MAP4K5: variants seen among roughly 807,000 people sequenced by gnomAD.
MAP4K5 encodes the protein MAPK/ERK kinase kinase kinase 5.
In MAP4K5, 82 loss-of-function variants were observed where a neutral mutation model predicts 135.6. That is an observed-to-expected ratio of 0.60 (90% CI 0.51 to 0.73). MAP4K5 has a LOEUF of 0.73. MAP4K5 is among the 30% of genes least tolerant of loss of function. MAP4K5 has a pLI of 0.00. For missense variants in MAP4K5, 907 were observed against 1,010.9 expected (o/e 0.90, Z 1.39); for synonymous variants, 347 against 335.0 (o/e 1.04, Z -0.39).
At chr14:50,528,830 C>A (rs188879326) in intron 2 of MAP4K5, among the ~76,000 whole-genome samples, 1 of 152,138 alleles carries the variant, frequency 6.6e-6, no homozygotes, top group Non-Finnish European at 1.5e-5. Flanking sequence ...CTAAAACGTC[C>A]TAGGATGTTC....
chr14:50,430,487 G>T (rs2035945438), intron 28 of MAP4K5, among the ~76,000 whole-genome samples: 3 of 152,176 alleles, frequency 2.0e-5, no homozygotes, highest in Admixed American at 2.0e-4. Context: ...TCCTTCAAAT[G>T]GCGGATTGGG....
intron 2 of MAP4K5, among the ~76,000 whole-genome samples, chr14:50,511,690 G>A (rs1368780219): frequency 6.6e-6 from 1 of 152,014 alleles, no homozygotes; most frequent in Middle Eastern, 3.2e-3. Flanking sequence ...ATGTACAACT[G>A]TCAATTTTTT....
At chr14:50,524,429 T>TATAC (rs1185774712) in intron 2 of MAP4K5, among the ~76,000 whole-genome samples, 1 of 152,194 alleles carries the variant, frequency 6.6e-6, no homozygotes, top group African/African-American at 2.4e-5. Context: ...TACTAGGCAA[T>TATAC]ATACTAGTAC....
At chr14:50,523,665 C>T (rs2038198414) in intron 2 of MAP4K5, among the ~76,000 whole-genome samples, 1 of 152,122 alleles carries the variant, frequency 6.6e-6, no homozygotes, top group Non-Finnish European at 1.5e-5. Flanking sequence ...CTTTCTATAC[C>T]TTTAATCTCC....
chr14:50,434,088 A>G (rs967266883), intron 28 of MAP4K5, among the ~76,000 whole-genome samples: 4 of 152,202 alleles, frequency 2.6e-5, no homozygotes, highest in African/African-American at 9.6e-5. Context: ...AGAAGTTGAT[A>G]AAATTTTAAG....
upstream of MAP4K5, among the ~76,000 whole-genome samples, chr14:50,534,452 A>G (rs1195093762): frequency 2.0e-5 from 3 of 152,276 alleles, no homozygotes; most frequent in Non-Finnish European, 4.4e-5. Context: ...TTCATAAAGT[A>G]GAAACTGAAT....
chr14:50,484,137 ATTC>A (rs201523116), intron 5 of MAP4K5, among the ~76,000 whole-genome samples: 2,162 of 152,232 alleles, frequency 0.014, 42 homozygotes, highest in African/African-American at 0.049. Flanking sequence ...GAAGATAGCA[ATTC>A]TTTATAAAAT....
upstream of MAP4K5, among the ~76,000 whole-genome samples, chr14:50,535,434 C>T (rs2038479368): frequency 1.3e-5 from 2 of 151,756 alleles, no homozygotes; most frequent in Admixed American, 1.3e-4. Context: ...TGGTAATCTC[C>T]TGATTAATCT....
At chr14:50,425,356 T>C (rs1430952706) in intron 31 of MAP4K5, among the ~76,000 whole-genome samples, 1 of 152,156 alleles carries the variant, frequency 6.6e-6, no homozygotes, top group Non-Finnish European at 1.5e-5. Context: ...GCAATATGAA[T>C]AGTATCTACT....
rs767137951 is a variant in MAP4K5 at position 50,435,048 on chromosome 14, C to T, written c.1900G>A (p.Gly634Arg). The change falls in exon 27 of 33, where the codon GGA becomes AGA. Residue 634 changes from glycine to arginine, a missense_variant. This residue lies in a region of MAP4K5 where 690 missense variants were observed against 777.4 expected (regional missense o/e 0.89). Transcript: ENST00000682126. ...KCCIVRNPYTGHKYLCGALQS... is the reference protein window; with the variant it reads ...KCCIVRNPYTRHKYLCGALQS... Reference sequence around the variant, plus strand: ...AAAGCTCCACAGAGGTATTTATGTCCCGTGTAAGGGTTTCTGACTGGAAAG... The same window carrying T: ...AAAGCTCCACAGAGGTATTTATGTCTCGTGTAAGGGTTTCTGACTGGAAAG... 2.5e-6 allele frequency: 4 copies of T among 1,606,972 alleles called. No homozygotes were observed. The highest frequency in any genetic ancestry group is 2.7e-5 in the African/African-American group (2 of 74,858).
chr14:50,455,957 G>A (rs2036586607), intron 14 of MAP4K5, among the ~76,000 whole-genome samples: 1 of 152,038 alleles, frequency 6.6e-6, no homozygotes, highest in Non-Finnish European at 1.5e-5. Context: ...TCTCGCTTTT[G>A]AAATATTTCC....
chr14:50,476,202 G>C, intron 7 of MAP4K5, 32 bp from the exon 8 acceptor site: 3 of 1,474,156 alleles, frequency 2.0e-6, no homozygotes, highest in Admixed American at 2.2e-5. Flanking sequence ...AATTAAATTA[G>C]CATCATAAAA....
intron 6 of MAP4K5, among the ~76,000 whole-genome samples, chr14:50,478,493 T>C (rs940983997): frequency 1.3e-5 from 2 of 152,154 alleles, no homozygotes; most frequent in African/African-American, 4.8e-5. Context: ...AGGTGGAAGC[T>C]GAGGATACTG....
chr14:50,456,135 A>G, intron 14 of MAP4K5: 1 of 255,022 alleles, frequency 3.9e-6, no homozygotes, highest in South Asian at 4.4e-5. Flanking sequence ...AATTAATTCT[A>G]TTGTTAAGTG....
intron 2 of MAP4K5, among the ~76,000 whole-genome samples, chr14:50,510,269 A>T (rs2037903861): frequency 6.6e-6 from 1 of 152,228 alleles, no homozygotes; most frequent in East Asian, 1.9e-4. Flanking sequence ...TAGTCAGATT[A>T]ATCAGAAGTG....
intron 11 of MAP4K5, among the ~76,000 whole-genome samples, chr14:50,465,860 G>A (rs900455048): frequency 6.6e-6 from 1 of 152,036 alleles, no homozygotes; most frequent in African/African-American, 2.4e-5. Context: ...GGCAGATTAC[G>A]GGGTCAAGAG....
intron 20 of MAP4K5, among the ~76,000 whole-genome samples, chr14:50,443,064 C>T (rs968082356): frequency 6.6e-6 from 1 of 152,058 alleles, no homozygotes; most frequent in Non-Finnish European, 1.5e-5. Context: ...CTACATACAT[C>T]AATAACATAG....
chr14:50,482,128 C>G (rs1273722530), intron 6 of MAP4K5, among the ~76,000 whole-genome samples: 1 of 152,162 alleles, frequency 6.6e-6, no homozygotes, highest in Non-Finnish European at 1.5e-5. Flanking sequence ...CATATGATCA[C>G]TGTATATGTC....
At chr14:50,437,856 T>C in intron 25 of MAP4K5, 38 bp downstream of exon 25, 1 of 1,209,288 alleles carries the variant, frequency 8.3e-7, no homozygotes, top group Non-Finnish European at 1.2e-6. Flanking sequence ...TAAACACTAA[T>C]TCCCCTCATT....
Sources: allele counts gnomAD v4.1 joint callset (sites outside exome capture counted in the v4.1 genomes callset), GRCh38; gene constraint gnomAD v4.1.1; regional missense constraint gnomAD v4.1.1; transcripts MANE v1.5; gene names NCBI Gene and HGNC (gene_info 2026-07-23, HGNC 2026-07-21).